CCDC149: variants seen among roughly 807,000 people sequenced by gnomAD.
CCDC149 encodes coiled-coil domain containing 149, also known as coiled-coil domain-containing protein 149.
A neutral mutation model predicts 59.9 loss-of-function variants in CCDC149; 45 were observed. That is an observed-to-expected ratio of 0.75 (90% CI 0.59 to 0.96). The LOEUF is 0.96. CCDC149 is among the 40% of genes least tolerant of loss of function. The pLI is 0.00. For missense variants in CCDC149, 584 were observed against 664.7 expected (o/e 0.88, Z 1.33); for synonymous variants, 245 against 260.6 (o/e 0.94, Z 0.58).
chr4:24,906,524 G>A (rs1285598302), intron 1 of CCDC149, among the ~76,000 whole-genome samples: 2 of 151,536 alleles, frequency 1.3e-5, no homozygotes, highest in African/African-American at 2.4e-5. Context: ...TCGGCCTCCC[G>A]AGTAGCTGGG....
At chr4:24,900,660 CTT>C (rs1226428825) in intron 1 of CCDC149, among the ~76,000 whole-genome samples, 6 of 152,234 alleles carry the variant, frequency 3.9e-5, no homozygotes, top group Admixed American at 3.9e-4. Flanking sequence ...CAGCTCCTCT[CTT>C]TCTTAGGTAG....
At chr4:24,926,108 A>G (rs1722427929) in intron 1 of CCDC149, among the ~76,000 whole-genome samples, 2 of 152,198 alleles carry the variant, frequency 1.3e-5, no homozygotes, top group African/African-American at 4.8e-5. Context: ...TGGCAGGAGA[A>G]TCGCTTGAAC....
At chr4:24,815,850 G>C (rs186641447) in intron 12 of CCDC149, among the ~76,000 whole-genome samples, 1 of 152,112 alleles carries the variant, frequency 6.6e-6, no homozygotes, top group African/African-American at 2.4e-5. Flanking sequence ...AGTGGGTGCA[G>C]GGGGGTGCGT....
At chr4:24,924,302 A>G (rs143735108) in intron 1 of CCDC149, among the ~76,000 whole-genome samples, 83 of 152,222 alleles carry the variant, frequency 5.5e-4, no homozygotes, top group Admixed American at 4.6e-4. Context: ...CATCTTACAC[A>G]TGTGAAAACC....
intron 1 of CCDC149, among the ~76,000 whole-genome samples, chr4:24,927,813 C>T (rs745854247): frequency 6.6e-6 from 1 of 151,854 alleles, no homozygotes; most frequent in Non-Finnish European, 1.5e-5. Context: ...ACCCTGGAGT[C>T]CTTTAAGAGT....
intron 3 of CCDC149, among the ~76,000 whole-genome samples, chr4:24,864,974 C>T (rs1718608651): frequency 6.6e-6 from 1 of 152,152 alleles, no homozygotes; most frequent in South Asian, 2.1e-4. Context: ...AACCAATCCC[C>T]TCTGTATACT....
At chr4:24,838,321 A>G in intron 4 of CCDC149, 49 bp from the exon 5 acceptor site, 3 of 1,410,412 alleles carry the variant, frequency 2.1e-6, no homozygotes, top group Non-Finnish European at 3.0e-6. Context: ...GAATAAACAG[A>G]TCCAAATAAA....
chr4:24,931,206 A>G (rs1055175164), intron 1 of CCDC149, among the ~76,000 whole-genome samples: 1 of 149,700 alleles, frequency 6.7e-6, no homozygotes, highest in African/African-American at 2.4e-5. Context: ...ATATATGTAT[A>G]TGTATACATA....
rs1391312933 is a variant in CCDC149, at chr4:24,906,371, T to TTTTATTTTTATTTTATTTTA, written c.63+6445_63+6446insTAAAATAAAATAAAAATAAA. 5.1e-4 allele frequency among the ~76,000 whole-genome samples: 13 copies of TTTTATTTTTATTTTATTTTA among 25,272 alleles called. No individual in the cohort carries two copies. In the South Asian group the frequency reaches 0.011, roughly 21 times the overall value. The allele number at this position is 25,272 out of a possible 152,430, so 16.6% of individuals were successfully genotyped here. On this transcript the variant is annotated intron_variant, in intron 1 of 12. Transcript: ENST00000635206. ...CTCAGGGGCAGCGGAACAAATTTTA[T>TTTTATTTTTATTTTATTTTA]TTTATTTTATTTTATTTTATTTTAT...
intron 1 of CCDC149, among the ~76,000 whole-genome samples, chr4:24,931,299 A>C (rs1722578742): frequency 1.4e-5 from 2 of 140,236 alleles, no homozygotes; most frequent in South Asian, 4.5e-4. Context: ...ATATATGTTT[A>C]TTTATTTTAA....
chr4:24,847,640 G>A (rs182417821), intron 4 of CCDC149, among the ~76,000 whole-genome samples: 234 of 152,304 alleles, frequency 1.5e-3, no homozygotes, highest in Admixed American at 9.2e-3. Context: ...TCGATGAGAG[G>A]CATTATTATT....
In CCDC149 at chr4:24,888,481, A is replaced by T. The variant is rs137961260; in HGVS notation, c.64-11784T>A. ...TATGTTGACCTCATTTTTATTGCTT[A>T]AAAGGACCACTTCCCTGCCATCACA... On this transcript the variant is annotated intron_variant, in intron 1 of 12. Transcript: ENST00000635206. Among the ~76,000 whole-genome samples the T allele has an allele frequency of 6.0e-3, 910 of 152,296 alleles. 17 individuals carry two copies. Among genetic ancestry groups the T allele is most frequent in the African/African-American group, 0.021 (861 of 41,568 alleles).
rs181292983 is a variant in CCDC149, at chr4:24,860,460, C to T, written c.265-7281G>A. On this transcript the variant is annotated intron_variant, in intron 3 of 12. Transcript: ENST00000635206. The stretch of plus-strand genomic sequence containing the variant: ...AAGCCAACTCAAGATGGATGAAGGA[C>T]TTAAATCTAAGACCTGAAACCACAA... Among the ~76,000 whole-genome samples, 781 of 152,296 alleles carry T rather than the reference C, an allele frequency of 5.1e-3. 4 individuals are homozygous for T. Among genetic ancestry groups the T allele is most frequent in the Admixed American group, 1.0e-2 (153 of 15,302 alleles).
intron 1 of CCDC149, among the ~76,000 whole-genome samples, chr4:24,894,163 A>G (rs1421178767): frequency 6.6e-6 from 1 of 152,222 alleles, no homozygotes; most frequent in East Asian, 1.9e-4. Flanking sequence ...AGCATTAAAA[A>G]GTGCTCAATG....
At chr4:24,886,952 T>G (rs1720220311) in intron 1 of CCDC149, among the ~76,000 whole-genome samples, 1 of 152,122 alleles carries the variant, frequency 6.6e-6, no homozygotes, top group Admixed American at 6.6e-5. Context: ...ATATTTTTAT[T>G]ATTCTCTCAA....
At chr4:24,946,646 T>C (rs1723117743) in intron 1 of CCDC149, among the ~76,000 whole-genome samples, 1 of 152,192 alleles carries the variant, frequency 6.6e-6, no homozygotes, top group African/African-American at 2.4e-5. Context: ...GGATGTTCCT[T>C]TGAGAAAGGA....
At position 24,842,119 on chromosome 4, in the gene CCDC149, A is replaced by G. The variant is rs905472655; in HGVS notation, c.373-3847T>C. Among the ~76,000 whole-genome samples the G allele has an allele frequency of 3.3e-5, 5 of 152,368 alleles. No individual in the cohort carries two copies. The East Asian group carries it at 9.6e-4, about 29-fold the overall frequency. On this transcript the variant is annotated intron_variant, in intron 4 of 12. Coordinates refer to ENST00000635206, the MANE Select transcript of CCDC149 (RefSeq NM_001330643.2). ...AGGACCATCAGGGGGAATTCTGGCT[A>G]CATACAAGTTTCTGCCTCTTACATG...
intron 3 of CCDC149, among the ~76,000 whole-genome samples, chr4:24,871,022 G>A (rs1031195282): frequency 3.5e-5 from 5 of 141,886 alleles, no homozygotes; most frequent in African/African-American, 1.3e-4. Flanking sequence ...TCCAGCCTGA[G>A]GGACAGAGTG....
In CCDC149 at chr4:24,936,669, A is replaced by G. The variant is rs1722789446; in HGVS notation, c.-64-41551T>C. Among the ~76,000 whole-genome samples, 5 of 152,144 alleles carry G rather than the reference A, an allele frequency of 3.3e-5. No individual in the cohort carries two copies. In the South Asian group the frequency reaches 1.0e-3, roughly 31 times the overall value. On this transcript the variant is annotated intron_variant, in intron 1 of 12. Transcript: ENST00000389609. Reference sequence around the variant, plus strand: ...ACACCAAAATGTGTCCCTCCTGTCTATCTCTTTGTTCCCATTGATCAACCT... The same window carrying G: ...ACACCAAAATGTGTCCCTCCTGTCTGTCTCTTTGTTCCCATTGATCAACCT...
Sources: allele counts gnomAD v4.1 joint callset (sites outside exome capture counted in the v4.1 genomes callset), GRCh38; gene constraint gnomAD v4.1.1; transcripts MANE v1.5; gene names NCBI Gene and HGNC (gene_info 2026-07-23, HGNC 2026-07-21).